Variants in IQSEC1 observed in about 807,000 individuals in gnomAD.
IQSEC1 encodes IQ motif and SEC7 domain-containing protein 1.
Under a neutral mutation model 91.0 loss-of-function variants are expected in IQSEC1, and 31 were observed. That is an observed-to-expected ratio of 0.34 (90% CI 0.26 to 0.46). The LOEUF is 0.46. Among genes scored for constraint, IQSEC1 ranks in the 20% least tolerant of loss-of-function variants. IQSEC1 has a pLI of 1.00. For synonymous variants in IQSEC1, 699 were observed against 662.6 expected (o/e 1.05, Z -0.84); for missense variants, 1,388 against 1,575.6 (o/e 0.88, Z 2.02).
Position 13,130,933 on chromosome 3 carries a change from AAG to A in IQSEC1, c.302+33169_302+33170del, listed in dbSNP as rs1553567705. Among the ~76,000 whole-genome samples, 475 of 150,720 alleles carry A rather than the reference AAG, an allele frequency of 3.2e-3. 8 individuals carry two copies. Among genetic ancestry groups the A allele is most frequent in the African/African-American group, 0.011 (437 of 40,786 alleles). ...ATGAGACCATGTGTCAAAAAAAAAA[AAG>A]AAAAATAAGCAATAAAGGAAGGAAG... On this transcript the variant is annotated intron_variant, in intron 2 of 15. Coordinates refer to the IQSEC1 transcript ENST00000648114.
intron 1 of IQSEC1, among the ~76,000 whole-genome samples, chr3:12,964,112 T>C (rs1700410360): frequency 6.6e-6 from 1 of 152,178 alleles, no homozygotes; most frequent in African/African-American, 2.4e-5. Context: ...GGTGGCATCA[T>C]GCCATACTTC....
chr3:12,967,590 C>G lies in IQSEC1; in HGVS notation c.24-25725G>C, dbSNP rs1446063451. On this transcript the variant is annotated intron_variant, in intron 1 of 13. Coordinates refer to ENST00000613206, the MANE Select transcript of IQSEC1 (RefSeq NM_001134382.3). This position sits in a 1 kb window ranked among gnomAD's most constrained non-coding sequence, Gnocchi z 5.9. ...GACCCGACCACCCGCCACGCGATCA[C>G]GTCGGGGCTCCTGGTCCAGCGTCCG... is the stretch of plus-strand genomic sequence containing the variant. The G allele has an allele frequency of 2.1e-5, 27 of 1,283,862 alleles. No individual in the cohort carries two copies. Among genetic ancestry groups the G allele is most frequent in the Non-Finnish European group, 2.5e-5 (25 of 1,019,084 alleles). 79.5% of individuals were successfully genotyped at this position (1,283,862 alleles called of 1,614,324 possible). A position where few individuals can be genotyped will look rare whatever the true frequency, so the allele number is the denominator to read the frequency against.
rs1203016285 is a variant in IQSEC1, at chr3:13,207,116, T to C, written c.273-42983A>G. On this transcript the variant is annotated intron_variant, in intron 1 of 15. Coordinates refer to the IQSEC1 transcript ENST00000648114. The surrounding 1 kb of genome is among the most constrained non-coding windows in gnomAD (Gnocchi z 4.8). ...AGTTGCTGGCCCTGACAATTTCTACTACTGCATCGTGGGACCACCCAACTT... is the reference window on the plus strand; with the variant it reads ...AGTTGCTGGCCCTGACAATTTCTACCACTGCATCGTGGGACCACCCAACTT... 6.6e-6 allele frequency among the ~76,000 whole-genome samples: 1 copy of C among 152,122 alleles called. No homozygotes were observed. The highest frequency in any genetic ancestry group is 1.5e-5 in the Non-Finnish European group (1 of 68,018).
rs1459797870 is a variant in IQSEC1 at position 12,935,062 on chromosome 3, T to C, written c.1568+386A>G. Reference sequence around the variant, plus strand: ...CTGACACAACCGGTCATACCCCTGCTCAAAGGCCTTTGTGTCCCACATCAC... The same window carrying C: ...CTGACACAACCGGTCATACCCCTGCCCAAAGGCCTTTGTGTCCCACATCAC... On this transcript the variant is annotated intron_variant, in intron 3 of 13. Transcript: ENST00000613206. This position sits in a 1 kb window ranked among gnomAD's most constrained non-coding sequence, Gnocchi z 8.0. Among the ~76,000 whole-genome samples, 2 of 151,954 alleles carry C rather than the reference T, an allele frequency of 1.3e-5. No homozygotes were observed. The highest frequency in any genetic ancestry group is 2.9e-5 in the Non-Finnish European group (2 of 68,028).
chr3:13,242,536 A>G (rs1455626834), intron 1 of IQSEC1, among the ~76,000 whole-genome samples: 1 of 152,200 alleles, frequency 6.6e-6, no homozygotes, highest in African/African-American at 2.4e-5. Flanking sequence ...CACTAGCTGC[A>G]CATCCCGGCC....
chr3:13,033,415 C>G (rs1233268461), intron 1 of IQSEC1, among the ~76,000 whole-genome samples: 1 of 152,158 alleles, frequency 6.6e-6, no homozygotes, highest in Non-Finnish European at 1.5e-5. Flanking sequence ...CCTGAGGCCT[C>G]TCTTCTTGGC....
chr3:12,933,361 G>A (rs1697873366), intron 3 of IQSEC1, among the ~76,000 whole-genome samples: 1 of 152,194 alleles, frequency 6.6e-6, no homozygotes, highest in African/African-American at 2.4e-5. Flanking sequence ...TAGCCACGGC[G>A]GGGACTACCA....
intron 3 of IQSEC1, among the ~76,000 whole-genome samples, chr3:12,933,654 C>T (rs959527327): frequency 2.0e-5 from 3 of 152,276 alleles, no homozygotes; most frequent in Non-Finnish European, 4.4e-5. Flanking sequence ...CATAGAGATA[C>T]GATGGGGCAC....
chr3:12,937,681 A>C (rs1698324928), intron 2 of IQSEC1, among the ~76,000 whole-genome samples: 1 of 152,232 alleles, frequency 6.6e-6, no homozygotes, highest in African/African-American at 2.4e-5. Flanking sequence ...TGGGAGACAG[A>C]GGCCAAGGGC....
chr3:12,984,814 CATTTTTT>C (rs1701642970), intron 1 of IQSEC1, among the ~76,000 whole-genome samples: 1 of 138,480 alleles, frequency 7.2e-6, no homozygotes, highest in African/African-American at 2.8e-5. Flanking sequence ...AAAGCAATTA[CATTTTTT>C]TTTTTTTTTT....
chr3:13,110,150 G>A lies in IQSEC1; in HGVS notation c.302+53954C>T, dbSNP rs564140511. ...GCCTGCCTTGGCCCCCCAAAGTGCTGGGATTACAGGCGTGAGCCACGGTAC... is the reference window on the plus strand; with the variant it reads ...GCCTGCCTTGGCCCCCCAAAGTGCTAGGATTACAGGCGTGAGCCACGGTAC... On this transcript the variant is annotated intron_variant, in intron 2 of 15. Transcript: ENST00000648114. Among the ~76,000 whole-genome samples, 7 of 151,954 alleles carry A rather than the reference G, an allele frequency of 4.6e-5. No homozygotes were observed. In the South Asian group the frequency reaches 1.2e-3, roughly 27 times the overall value.
chr3:13,029,615 T>C (rs372445998), intron 1 of IQSEC1, among the ~76,000 whole-genome samples: 2 of 152,246 alleles, frequency 1.3e-5, no homozygotes, highest in South Asian at 4.1e-4. Context: ...CCCTGTATCC[T>C]GACTCCCTGG....
intron 1 of IQSEC1, chr3:13,015,757 G>C (rs1703097927): frequency 1.0e-6 from 1 of 984,528 alleles, no homozygotes; most frequent in Admixed American, 6.2e-5. Context: ...GCACCCTGGG[G>C]CCCCCGCCCA....
Position 12,899,314 on chromosome 3 carries a change from C to T in IQSEC1, c.*1669G>A, listed in dbSNP as rs760189553. 1.8e-5 allele frequency: 27 copies of T among 1,528,712 alleles called. No individual in the cohort carries two copies. Among genetic ancestry groups the T allele is most frequent in the Admixed American group, 3.6e-5 (2 of 55,594 alleles). The allele number at this position is 1,528,712 out of a possible 1,614,324, so 94.7% of individuals were successfully genotyped here. A position where few individuals can be genotyped will look rare whatever the true frequency, so the allele number is the denominator to read the frequency against. ...AACGCGGCCCCGCGGCCCGCAGAGT[C>T]AGGCGTGAGCTTCGCCCTTTCTGAA... On this transcript the variant is annotated 3_prime_UTR_variant, in exon 14 of 14. Transcript: ENST00000613206.
At chr3:13,059,166 C>A (rs140906589) in intron 1 of IQSEC1, among the ~76,000 whole-genome samples, 2 of 152,124 alleles carry the variant, frequency 1.3e-5, no homozygotes, top group African/African-American at 4.8e-5. Context: ...TGCTCCCAGG[C>A]TCCTCCCTGG....
At chr3:13,111,871 C>T (rs1245875945) in intron 2 of IQSEC1, among the ~76,000 whole-genome samples, 1 of 152,168 alleles carries the variant, frequency 6.6e-6, no homozygotes, top group Non-Finnish European at 1.5e-5. Context: ...GAAATATATT[C>T]CCGTAGTTTA....
chr3:12,902,714 C>G (rs1694498273), intron 13 of IQSEC1, 59 bp downstream of exon 13: 1 of 554,890 alleles, frequency 1.8e-6, no homozygotes, highest in Admixed American at 2.1e-5. Flanking sequence ...CAGATATGAA[C>G]TGAGGACTGG....
intron 1 of IQSEC1, among the ~76,000 whole-genome samples, chr3:13,183,205 A>G (rs1001699460): frequency 2.0e-5 from 3 of 151,980 alleles, no homozygotes; most frequent in Non-Finnish European, 2.9e-5. Flanking sequence ...AAACAAACAA[A>G]CAAACATAAA....
chr3:13,136,969 C>A (rs1706722306), intron 2 of IQSEC1, among the ~76,000 whole-genome samples: 1 of 152,200 alleles, frequency 6.6e-6, no homozygotes, highest in Middle Eastern at 3.4e-3. Context: ...AGACCCCTGT[C>A]TCTAAATAAA....
Sources: gnomAD v4.1 joint callset for allele counts (sites outside exome capture counted in the v4.1 genomes callset) on GRCh38, gnomAD v4.1.1 for gene constraint, Gnocchi (gnomAD v3.1) non-coding constraint, MANE v1.5 for transcripts, NCBI Gene and HGNC (gene_info 2026-07-23, HGNC 2026-07-21) for gene names.